Variants in EDNRA observed in about 807,000 individuals in gnomAD.
EDNRA encodes endothelin-1 receptor.
In EDNRA, 11 loss-of-function variants were observed where a neutral mutation model predicts 41.4. That is an observed-to-expected ratio of 0.27 (90% CI 0.17 to 0.44). The LOEUF (loss-of-function observed/expected upper bound fraction) is 0.44, where lower values mean the gene tolerates loss of function less well. Among genes scored for constraint, EDNRA ranks in the 20% least tolerant of loss-of-function variants. The pLI is 1.00. For missense variants in EDNRA, 294 were observed against 531.0 expected (o/e 0.55, Z 4.39); for synonymous variants, 172 against 183.0 (o/e 0.94, Z 0.49).
At chr4:147,542,411 G>A (rs932088893) in intron 7 of EDNRA, 67 bp from the exon 8 acceptor site, 93 of 1,604,620 alleles carry the variant, frequency 5.8e-5, no homozygotes, top group Non-Finnish European at 7.5e-5. Context: ...CATGGCCCAG[G>A]GCCGCTGTGT....
intron 1 of EDNRA, among the ~76,000 whole-genome samples, 196 bp from the exon 2 acceptor site, chr4:147,485,416 G>A (rs1020265395): frequency 6.6e-6 from 1 of 152,184 alleles, no homozygotes; most frequent in Non-Finnish European, 1.5e-5. Context: ...GACTGACATA[G>A]AGGAGATAGA....
intron 3 of EDNRA, among the ~76,000 whole-genome samples, chr4:147,531,470 T>C (rs184105829): frequency 3.9e-5 from 6 of 152,362 alleles, no homozygotes; most frequent in African/African-American, 9.6e-5. Context: ...ACCCACTTCA[T>C]AGATAATGCT....
In EDNRA at chr4:147,486,606, A is replaced by G. The variant is rs1455078757; in HGVS notation, c.420+505A>G. On this transcript the variant is annotated intron_variant, in intron 2 of 7. Coordinates refer to ENST00000651419, the MANE Select transcript of EDNRA (RefSeq NM_001957.4). This position sits in a 1 kb window ranked among gnomAD's most constrained non-coding sequence, Gnocchi z 4.3. Reference sequence around the variant, plus strand: ...AGATTAATGATTAAAGCCAAAGGGCATCCTGGCTTTTCTCAGTGATATGGG... The same window carrying G: ...AGATTAATGATTAAAGCCAAAGGGCGTCCTGGCTTTTCTCAGTGATATGGG... Among the ~76,000 whole-genome samples, 1 of 152,252 alleles carries G rather than the reference A, an allele frequency of 6.6e-6. No homozygotes were observed. The highest frequency in any genetic ancestry group is 1.5e-5 in the Non-Finnish European group (1 of 68,032).
In EDNRA at chr4:147,543,590, A is replaced by AG. The variant is rs1477508861; in HGVS notation, c.*973dup. The AG allele has an allele frequency of 7.9e-5, 12 of 152,170 alleles. No homozygotes were observed. The highest frequency in any genetic ancestry group is 2.9e-4 in the African/African-American group (12 of 41,424). The allele number at this position is 152,170 out of a possible 1,614,324, so 9.4% of individuals were successfully genotyped here. Reference sequence around the variant, plus strand: ...TATAGAAGTCTAAAACACACCTAAGAGAAAAAGATCGAATTTTTCAGATGA... The same window carrying AG: ...TATAGAAGTCTAAAACACACCTAAGAGGAAAAAGATCGAATTTTTCAGATGA... On this transcript the variant is annotated 3_prime_UTR_variant, in exon 8 of 8. Transcript: ENST00000651419.
intron 2 of EDNRA, among the ~76,000 whole-genome samples, chr4:147,509,545 AGCAGGAGGTGAGTGGCAG>A (rs1255225835): frequency 6.6e-6 from 1 of 152,208 alleles, no homozygotes; most frequent in East Asian, 1.9e-4. Context: ...TCAGCCACAC[AGCAGGAGGTGAGTGGCAG>A]GCAAGCAGTG....
intron 7 of EDNRA, among the ~76,000 whole-genome samples, chr4:147,540,775 G>A (rs900700770): frequency 6.6e-6 from 1 of 151,982 alleles, no homozygotes; most frequent in African/African-American, 2.4e-5. Context: ...TATGCTCCAG[G>A]CCACAGAGAG....
intron 1 of EDNRA, among the ~76,000 whole-genome samples, chr4:147,483,759 G>A (rs1728851928): frequency 6.7e-6 from 1 of 148,208 alleles, no homozygotes. Flanking sequence ...TCACTCTGCT[G>A]CTCAGGATGG....
intron 3 of EDNRA, among the ~76,000 whole-genome samples, chr4:147,529,955 G>A (rs1730689098): frequency 6.6e-6 from 1 of 152,200 alleles, no homozygotes; most frequent in African/African-American, 2.4e-5. Flanking sequence ...CTAATTTTCA[G>A]TGAGTGGGTT....
intron 3 of EDNRA, among the ~76,000 whole-genome samples, chr4:147,522,123 A>G (rs1301172506): frequency 6.6e-6 from 1 of 152,236 alleles, no homozygotes; most frequent in Non-Finnish European, 1.5e-5. Context: ...AAATTATGCT[A>G]TTTAGCCATC....
At chr4:147,541,227 C>T (rs1055017072) in intron 7 of EDNRA, among the ~76,000 whole-genome samples, 1 of 152,166 alleles carries the variant, frequency 6.6e-6, no homozygotes, top group Non-Finnish European at 1.5e-5. Flanking sequence ...GCTTTCAAAC[C>T]TCCAGCCAGC....
In EDNRA at chr4:147,513,241, T is replaced by C. The variant is rs114301689; in HGVS notation, c.421-6610T>C. Among the ~76,000 whole-genome samples the C allele has an allele frequency of 1.6e-3, 242 of 152,200 alleles. 2 individuals are homozygous for C. Among genetic ancestry groups the C allele is most frequent in the African/African-American group, 5.7e-3 (236 of 41,554 alleles). On this transcript the variant is annotated intron_variant, in intron 2 of 7. Coordinates refer to ENST00000651419, the MANE Select transcript of EDNRA (RefSeq NM_001957.4). ...GCACCTAAGGCCAGAGTCAAAACCA[T>C]TTATGGAATTTCTGCTCTACTCTGC... is the stretch of plus-strand genomic sequence containing the variant.
intron 2 of EDNRA, among the ~76,000 whole-genome samples, chr4:147,511,007 G>A (rs1006301451): frequency 6.6e-6 from 1 of 152,162 alleles, no homozygotes; most frequent in Non-Finnish European, 1.5e-5. Flanking sequence ...AACATTTCTT[G>A]TTTGGCAGAG....
intron 3 of EDNRA, among the ~76,000 whole-genome samples, chr4:147,525,091 AGTT>A (rs1376758832): frequency 6.6e-6 from 1 of 152,164 alleles, no homozygotes. Context: ...CACATTTCAG[AGTT>A]GTTTGAAAGA....
intron 7 of EDNRA, 65 bp downstream of exon 7, chr4:147,540,550 A>G (rs200179747): frequency 9.0e-7 from 1 of 1,106,944 alleles, no homozygotes; most frequent in South Asian, 1.5e-5. Context: ...GTCAACAGAC[A>G]CAGCCAATTC....
chr4:147,535,041 G>C (rs1199886398), intron 4 of EDNRA, among the ~76,000 whole-genome samples: 1 of 152,148 alleles, frequency 6.6e-6, no homozygotes, highest in Admixed American at 6.5e-5. Context: ...ATTGTCCTTA[G>C]TAAATTAACA....
chr4:147,518,681 C>T (rs962654577), intron 2 of EDNRA, among the ~76,000 whole-genome samples: 1 of 151,740 alleles, frequency 6.6e-6, no homozygotes, highest in Non-Finnish European at 1.5e-5. Flanking sequence ...AACCTCACAT[C>T]ATCTTTTGGA....
intron 1 of EDNRA, among the ~76,000 whole-genome samples, chr4:147,484,263 A>C (rs1728869658): frequency 6.6e-6 from 1 of 152,092 alleles, no homozygotes; most frequent in South Asian, 2.1e-4. Context: ...GTGACTTAAA[A>C]ATAAATAAAT....
At chr4:147,502,442 A>C (rs1452868693) in intron 2 of EDNRA, among the ~76,000 whole-genome samples, 1 of 152,244 alleles carries the variant, frequency 6.6e-6, no homozygotes, top group African/African-American at 2.4e-5. Flanking sequence ...TCATTTATAT[A>C]TCAAAAAAGT....
chr4:147,516,059 A>C (rs572031538), intron 2 of EDNRA, among the ~76,000 whole-genome samples: 58 of 152,318 alleles, frequency 3.8e-4, no homozygotes, highest in Middle Eastern at 3.4e-3. Context: ...CTATAGAAAA[A>C]TTCCCTGAGT....
Sources: allele counts gnomAD v4.1 joint callset (sites outside exome capture counted in the v4.1 genomes callset), GRCh38; gene constraint gnomAD v4.1.1; non-coding constraint Gnocchi (gnomAD v3.1); transcripts MANE v1.5; gene names NCBI Gene and HGNC (gene_info 2026-07-23, HGNC 2026-07-21).